SV2B: variants seen among roughly 807,000 people sequenced by gnomAD.
SV2B encodes solute carrier family 22 member B2.
A neutral mutation model predicts 73.9 loss-of-function variants in SV2B; 41 were observed. The observed-to-expected ratio is 0.56, with a 90% CI of 0.43 to 0.72. The LOEUF (loss-of-function observed/expected upper bound fraction) is 0.72, where lower values mean the gene tolerates loss of function less well. Ranked by LOEUF, SV2B falls within the 30% of genes least tolerant of loss-of-function variation. The pLI, the probability that SV2B is intolerant of heterozygous loss-of-function variation, is 0.00. For missense variants in SV2B, 764 were observed against 857.8 expected (o/e 0.89, Z 1.37); for synonymous variants, 314 against 314.2 (o/e 1.00, Z 0.01).
chr15:91,254,880 A>G (rs1026178628), intron 4 of SV2B, among the ~76,000 whole-genome samples: 12 of 152,340 alleles, frequency 7.9e-5, no homozygotes, highest in African/African-American at 1.2e-4. Context: ...TTTCATGGGG[A>G]AAGCCCGCCC....
At chr15:91,213,431 C>G (rs2141434618) in intron 1 of SV2B, among the ~76,000 whole-genome samples, 1 of 152,304 alleles carries the variant, frequency 6.6e-6, no homozygotes, top group East Asian at 1.9e-4. Context: ...CTTAACCTCT[C>G]TGAGCCTTAG....
intron 9 of SV2B, among the ~76,000 whole-genome samples, chr15:91,274,296 G>A (rs2141719816): frequency 6.6e-6 from 1 of 152,256 alleles, no homozygotes; most frequent in African/African-American, 2.4e-5. Flanking sequence ...GTAGTATACG[G>A]TGTATATTTA....
At chr15:91,262,820 G>A (rs2141662277) in intron 6 of SV2B, among the ~76,000 whole-genome samples, 1 of 152,326 alleles carries the variant, frequency 6.6e-6, no homozygotes, top group South Asian at 2.1e-4. Context: ...GTGATGGCCT[G>A]TAGTGCTCCC....
intron 1 of SV2B, among the ~76,000 whole-genome samples, chr15:91,150,797 T>C (rs924644841): frequency 1.3e-5 from 2 of 152,170 alleles, no homozygotes; most frequent in Non-Finnish European, 2.9e-5. Context: ...GAGCCTTAGA[T>C]ATGGGTGCAG....
In SV2B at chr15:91,226,236, G is replaced by T. The variant is rs755171141; in HGVS notation, c.-28G>T. 2.5e-6 allele frequency: 4 copies of T among 1,611,818 alleles called. No homozygotes were observed. In the Admixed American group the frequency reaches 6.7e-5, roughly 27 times the overall value. ...ACAGAGCGAGGGATATAGCTCAAGG[G>T]GCAACCAGGCAGTCGCAGAACCAAG... On this transcript the variant is annotated 5_prime_UTR_variant, in exon 2 of 13. Transcript: ENST00000394232.
intron 1 of SV2B, among the ~76,000 whole-genome samples, chr15:91,133,449 C>CA (rs944167533): frequency 6.6e-6 from 1 of 151,854 alleles, no homozygotes. Context: ...CTGGAATTGA[C>CA]AAATTCTAAT....
chr15:91,121,800 A>C lies in SV2B; in HGVS notation c.-392+21437A>C, dbSNP rs1032376288. On this transcript the variant is annotated intron_variant, in intron 1 of 12. Coordinates refer to ENST00000394232, the MANE Select transcript of SV2B (RefSeq NM_001323032.3). This position sits in a 1 kb window ranked among gnomAD's most constrained non-coding sequence, Gnocchi z 4.4. ...GTGTTTTTTTTTTTTTTTGAGATGG[A>C]GTCTCGCTCTGTCACCCAGGCTGGA... Among the ~76,000 whole-genome samples, 1 of 142,438 alleles carries C rather than the reference A, an allele frequency of 7.0e-6. No homozygotes were observed. The highest frequency in any genetic ancestry group is 2.0e-4 in the East Asian group (1 of 4,976). The allele number at this position is 142,438 out of a possible 152,430, so 93.4% of individuals were successfully genotyped here.
Position 91,283,946 on chromosome 15 carries a change from T to C in SV2B, c.1508-75T>C. ...AGCCTGCCTACAGGAGGGGGCAGACTTCATCCCTGCCTCTGCCTTTCTCTC... is the reference window on the plus strand; with the variant it reads ...AGCCTGCCTACAGGAGGGGGCAGACCTCATCCCTGCCTCTGCCTTTCTCTC... On this transcript the variant is annotated intron_variant, in intron 10 of 12. Transcript: ENST00000394232. This position sits in a 1 kb window ranked among gnomAD's most constrained non-coding sequence, Gnocchi z 4.3. 6.6e-7 allele frequency: 1 copy of C among 1,504,136 alleles called. No individual in the cohort carries two copies. Among genetic ancestry groups the C allele is most frequent in the Admixed American group, 1.7e-5 (1 of 59,388 alleles). 93.2% of individuals were successfully genotyped at this position (1,504,136 alleles called of 1,614,324 possible).
intron 10 of SV2B, among the ~76,000 whole-genome samples, chr15:91,282,178 C>T (rs1006421088): frequency 6.6e-6 from 1 of 152,202 alleles, no homozygotes; most frequent in Non-Finnish European, 1.5e-5. Context: ...AAGGATGACA[C>T]AAATAACAAC....
At chr15:91,210,303 C>T (rs973127759) in intron 1 of SV2B, among the ~76,000 whole-genome samples, 2 of 151,738 alleles carry the variant, frequency 1.3e-5, no homozygotes, top group African/African-American at 4.8e-5. Flanking sequence ...TGAGGTGGAG[C>T]CGTAACTGGG....
intron 1 of SV2B, among the ~76,000 whole-genome samples, chr15:91,200,802 T>C (rs1376853638): frequency 1.3e-5 from 2 of 152,036 alleles, no homozygotes; most frequent in African/African-American, 4.8e-5. Flanking sequence ...TTCCAGCTCC[T>C]CAGGAGCCTG....
chr15:91,276,477 T>TTAGA (rs2048492753), intron 9 of SV2B, among the ~76,000 whole-genome samples: 1 of 152,086 alleles, frequency 6.6e-6, no homozygotes, highest in African/African-American at 2.4e-5. Context: ...CCCATAGCTC[T>TTAGA]TAGATGTTTT....
rs1474359446 is a variant in SV2B at position 91,283,812 on chromosome 15, C to T, written c.1508-209C>T. On this transcript the variant is annotated intron_variant, in intron 10 of 12. Coordinates refer to ENST00000394232, the MANE Select transcript of SV2B (RefSeq NM_001323032.3). This position sits in a 1 kb window ranked among gnomAD's most constrained non-coding sequence, Gnocchi z 4.3. ...TTTAATTTCCCCTTGCTTTTAGGAA[C>T]TTGAACAGGTCATTACATTTTTGGA... Among the ~76,000 whole-genome samples, 1 of 148,954 alleles carries T rather than the reference C, an allele frequency of 6.7e-6. No individual in the cohort carries two copies. The highest frequency in any genetic ancestry group is 2.5e-5 in the African/African-American group (1 of 39,628).
In SV2B at chr15:91,139,123, GTTACT is replaced by G. The variant is rs1406257992; in HGVS notation, c.-392+38761_-392+38765del. Among the ~76,000 whole-genome samples, 1 of 152,130 alleles carries G rather than the reference GTTACT, an allele frequency of 6.6e-6. No individual in the cohort carries two copies. The highest frequency in any genetic ancestry group is 1.5e-5 in the Non-Finnish European group (1 of 68,010). ...AATAGAGTCCTATTCTTTAAAAATT[GTTACT>G]GATGTGCGTATGGCTAAAATCATAT... On this transcript the variant is annotated intron_variant, in intron 1 of 12. Transcript: ENST00000394232. This position sits in a 1 kb window ranked among gnomAD's most constrained non-coding sequence, Gnocchi z 5.2.
rs555709292 is a variant in SV2B at position 91,220,956 on chromosome 15, T to C, written c.-391-4917T>C. Among the ~76,000 whole-genome samples, 15 of 152,248 alleles carry C rather than the reference T, an allele frequency of 9.9e-5. No individual in the cohort carries two copies. The South Asian group carries it at 3.1e-3, about 32-fold the overall frequency. ...TTGGCTCACTGCAACCTCCGCCTCC[T>C]GGGATCAAGTGATCTTCCTTCCTCT... is the stretch of plus-strand genomic sequence containing the variant. On this transcript the variant is annotated intron_variant, in intron 1 of 12. Coordinates refer to ENST00000394232, the MANE Select transcript of SV2B (RefSeq NM_001323032.3). The surrounding 1 kb of genome is among the most constrained non-coding windows in gnomAD (Gnocchi z 4.1).
intron 4 of SV2B, among the ~76,000 whole-genome samples, chr15:91,257,556 G>C (rs2047741662): frequency 6.6e-6 from 1 of 152,220 alleles, no homozygotes; most frequent in South Asian, 2.1e-4. Context: ...GCATTGGAAT[G>C]TAGAAGTTCA....
At chr15:91,262,644 G>A (rs11855090) in intron 6 of SV2B, among the ~76,000 whole-genome samples, 15,070 of 151,886 alleles carry the variant, frequency 0.099, 1,633 homozygotes, top group African/African-American at 0.27. Context: ...CTCAGTGTTG[G>A]TTGTTCCCTT....
In SV2B at chr15:91,245,116, C is replaced by T. The variant is rs1402135971; in HGVS notation, c.452-6703C>T. On this transcript the variant is annotated intron_variant, in intron 2 of 12. Transcript: ENST00000394232. The surrounding 1 kb of genome is among the most constrained non-coding windows in gnomAD (Gnocchi z 4.2). ...GATGGTACATCTTATCCTGCTGCCT[C>T]TGGTGTGGAGAGGAAATCTTCTGTC... Among the ~76,000 whole-genome samples the T allele has an allele frequency of 6.6e-6, 1 of 152,210 alleles. No homozygotes were observed. Among genetic ancestry groups the T allele is most frequent in the Non-Finnish European group, 1.5e-5 (1 of 68,042 alleles).
chr15:91,180,181 G>A (rs1000396032), intron 1 of SV2B, among the ~76,000 whole-genome samples: 13 of 152,042 alleles, frequency 8.6e-5, no homozygotes, highest in Non-Finnish European at 1.6e-4. Flanking sequence ...ATGAAATTTT[G>A]GGTTGAAAAT....
Sources: gnomAD v4.1 joint callset for allele counts (sites outside exome capture counted in the v4.1 genomes callset) on GRCh38, gnomAD v4.1.1 for gene constraint, Gnocchi (gnomAD v3.1) non-coding constraint, MANE v1.5 for transcripts, NCBI Gene and HGNC (gene_info 2026-07-23, HGNC 2026-07-21) for gene names.